ST18: variants seen among roughly 807,000 people sequenced by gnomAD.
ST18 encodes the protein ST18 C2H2C-type zinc finger transcription factor, also known as suppression of tumorigenicity 18 protein.
A neutral mutation model predicts 110.0 loss-of-function variants in ST18; 50 were observed. The observed-to-expected ratio is 0.45, with a 90% CI of 0.36 to 0.58. ST18 has a LOEUF of 0.58. ST18 is among the 20% of genes least tolerant of loss of function. The pLI is 0.00. For missense variants in ST18, 1,306 were observed against 1,280.1 expected (o/e 1.02, Z -0.31); for synonymous variants, 461 against 452.4 (o/e 1.02, Z -0.24).
At chr8:52,384,786 G>GCTGTGTGTGTGTGTGT (rs147007096) in intron 2 of ST18, among the ~76,000 whole-genome samples, 18 of 147,480 alleles carry the variant, frequency 1.2e-4, no homozygotes, top group Non-Finnish European at 1.7e-4. Context: ...TGTGTACACA[G>GCTGTGTGTGTGTGTGT]GTGTGTGTGT....
At chr8:52,365,130 G>T (rs896265441) in intron 2 of ST18, among the ~76,000 whole-genome samples, 1 of 151,216 alleles carries the variant, frequency 6.6e-6, no homozygotes, top group Non-Finnish European at 1.5e-5. Flanking sequence ...AAAATAAAGA[G>T]AAAGTTCCTT....
intron 2 of ST18, among the ~76,000 whole-genome samples, chr8:52,342,168 C>G (rs976471807): frequency 6.6e-6 from 1 of 152,020 alleles, no homozygotes; most frequent in African/African-American, 2.4e-5. Flanking sequence ...AGCCCTTCCA[C>G]AATGTATACA....
intron 25 of ST18, among the ~76,000 whole-genome samples, chr8:52,115,928 C>T (rs1292458188): frequency 6.6e-6 from 1 of 152,022 alleles, no homozygotes; most frequent in African/African-American, 2.4e-5. Flanking sequence ...AAATAATGGT[C>T]TCAAATTTTG....
chr8:52,230,999 G>C (rs1427766462), intron 2 of ST18, among the ~76,000 whole-genome samples: 1 of 152,150 alleles, frequency 6.6e-6, no homozygotes. Flanking sequence ...AACAACCTAA[G>C]AGAAACAGAC....
At chr8:52,327,516 A>G (rs964878536) in intron 2 of ST18, among the ~76,000 whole-genome samples, 1 of 152,214 alleles carries the variant, frequency 6.6e-6, no homozygotes, top group Admixed American at 6.5e-5. Context: ...AGCAACTTGA[A>G]TTTCCAACAT....
chr8:52,382,680 G>A (rs1835012595), intron 2 of ST18, among the ~76,000 whole-genome samples: 1 of 152,104 alleles, frequency 6.6e-6, no homozygotes, highest in Admixed American at 6.5e-5. Context: ...GGAGGAATCC[G>A]AGGAGTACAG....
chr8:52,330,649 A>G (rs1808822854), intron 2 of ST18, among the ~76,000 whole-genome samples: 2 of 152,228 alleles, frequency 1.3e-5, no homozygotes, highest in South Asian at 2.1e-4. Flanking sequence ...ACGCATTATG[A>G]CATCACATCC....
chr8:52,154,018 G>A (rs2059425039), intron 15 of ST18, among the ~76,000 whole-genome samples: 1 of 152,188 alleles, frequency 6.6e-6, no homozygotes, highest in Non-Finnish European at 1.5e-5. Context: ...TCAGGGGATT[G>A]GACTAGGTTT....
chr8:52,399,964 T>C (rs1243335447), intron 2 of ST18, among the ~76,000 whole-genome samples: 1 of 152,060 alleles, frequency 6.6e-6, no homozygotes, highest in Non-Finnish European at 1.5e-5. Context: ...GTTTCCTTAT[T>C]AATTTTATGT....
intron 6 of ST18, among the ~76,000 whole-genome samples, chr8:52,215,710 A>AT (rs1306400979): frequency 6.6e-6 from 1 of 152,150 alleles, no homozygotes; most frequent in Non-Finnish European, 1.5e-5. Flanking sequence ...AACCGGGGTG[A>AT]TTTTTTTCCT....
intron 2 of ST18, among the ~76,000 whole-genome samples, chr8:52,372,463 TC>T (rs1178997535): frequency 1.1e-4 from 17 of 152,206 alleles, no homozygotes; most frequent in African/African-American, 4.1e-4. Flanking sequence ...GTCCAGTGTT[TC>T]TAAAGTCTAC....
intron 2 of ST18, among the ~76,000 whole-genome samples, chr8:52,350,751 C>T (rs1029985333): frequency 2.1e-4 from 32 of 150,892 alleles, no homozygotes; most frequent in African/African-American, 6.8e-4. Flanking sequence ...GATGGAGTCT[C>T]GCTCTGTTGC....
In ST18 at chr8:52,343,920, TA is replaced by T. The variant is rs1469827223; in HGVS notation, c.-465+65407del. 1.1e-3 allele frequency among the ~76,000 whole-genome samples: 165 copies of T among 152,330 alleles called. 1 individual carries two copies. The highest frequency in any genetic ancestry group is 8.8e-5 in the Non-Finnish European group (6 of 68,028). On this transcript the variant is annotated intron_variant, in intron 2 of 25. Transcript: ENST00000689386. ...ATTGGGAAGGTATTCTCAGCTAACA[TA>T]AACACACAGTGTGGCTATGCTAATA...
intron 2 of ST18, among the ~76,000 whole-genome samples, chr8:52,269,313 G>C (rs2094991254): frequency 6.6e-6 from 1 of 152,188 alleles, no homozygotes. Context: ...GTTTTCTCCA[G>C]GAAAATGGTG....
At chr8:52,220,962 T>C (rs1564146007) in intron 4 of ST18, 114 bp from the exon 5 acceptor site, 1 of 152,346 alleles carries the variant, frequency 6.6e-6, no homozygotes, top group South Asian at 2.1e-4. Flanking sequence ...TTATCTATAG[T>C]TTGATTGTAC....
At chr8:52,171,410 T>C (rs1011662630) in intron 10 of ST18, among the ~76,000 whole-genome samples, 10 of 152,204 alleles carry the variant, frequency 6.6e-5, no homozygotes, top group Non-Finnish European at 2.9e-5. Context: ...GCAAGTTAGA[T>C]AATCCAAGAA....
At chr8:52,226,895 T>C (rs2089646514) in intron 3 of ST18, among the ~76,000 whole-genome samples, 1 of 152,248 alleles carries the variant, frequency 6.6e-6, no homozygotes, top group African/African-American at 2.4e-5. Flanking sequence ...TTTTCCATTT[T>C]CCTTATCCAT....
At chr8:52,180,941 A>C (rs1234143134) in intron 8 of ST18, among the ~76,000 whole-genome samples, 4 of 152,212 alleles carry the variant, frequency 2.6e-5, no homozygotes, top group African/African-American at 4.8e-5. Flanking sequence ...AACAAATAAA[A>C]GGAGGAGAAA....
intron 17 of ST18, chr8:52,137,877 G>A: frequency 5.8e-6 from 1 of 173,762 alleles, no homozygotes; most frequent in Non-Finnish European, 1.2e-5. Context: ...CAAGGCAGGT[G>A]GATCACCTGA....
Sources: gnomAD v4.1 joint callset for allele counts (sites outside exome capture counted in the v4.1 genomes callset) on GRCh38, gnomAD v4.1.1 for gene constraint, MANE v1.5 for transcripts, NCBI Gene and HGNC (gene_info 2026-07-23, HGNC 2026-07-21) for gene names.